USP35: variants seen among roughly 807,000 people sequenced by gnomAD.
The protein encoded by USP35 is ubiquitin carboxyl-terminal hydrolase 35.
In USP35, 69 loss-of-function variants were observed where a neutral mutation model predicts 83.8. The observed-to-expected ratio is 0.82, with a 90% confidence interval of 0.68 to 1.01. The LOEUF is 1.01. USP35 is among the 50% of genes least tolerant of loss of function. The pLI is 0.00. For missense variants in USP35, 1,503 were observed against 1,362.5 expected (o/e 1.10, Z -1.62); for synonymous variants, 714 against 589.5 (o/e 1.21, Z -3.06).
At chr11:78,204,978 A>T (rs1354803975) in intron 6 of USP35, among the ~76,000 whole-genome samples, 4 of 152,240 alleles carry the variant, frequency 2.6e-5, no homozygotes, top group Non-Finnish European at 5.9e-5. Flanking sequence ...AATCTAAGGC[A>T]TTGTGACCAG....
At chr11:78,223,161 G>C in the USP35 span, among the ~76,000 whole-genome samples, 2 of 152,144 alleles carry the variant, frequency 1.3e-5, no homozygotes, top group African/African-American at 4.8e-5. Context: ...TCTACATGCA[G>C]GGGGCACAAA....
the USP35 span, among the ~76,000 whole-genome samples, chr11:78,231,412 A>G: frequency 6.6e-6 from 1 of 150,866 alleles, no homozygotes; most frequent in East Asian, 2.0e-4. Context: ...GCAGTGATGC[A>G]ATCTTGGCTC....
rs1212001557 is a variant in USP35 at position 78,196,643 on chromosome 11, G to A, written c.398G>A (p.Cys133Tyr). Reference sequence around the variant, plus strand: ...CGGCGCGAGGTGCTGCGCACCGTGTGCGAGCGCCCGGGCCCCGCGGCCTGC... The same window carrying A: ...CGGCGCGAGGTGCTGCGCACCGTGTACGAGCGCCCGGGCCCCGCGGCCTGC... ...LLRREVLRTV[C>Y]ERPGPAACAQ... The change falls in exon 2 of 11, where the codon TGC becomes TAC. Residue 133 changes from cysteine to tyrosine, a missense_variant. Physicochemically the swap from Cys to Tyr is radical, Grantham distance 194 (BLOSUM62 -2). Transcript: ENST00000529308. The surrounding 1 kb of genome is among the most constrained non-coding windows in gnomAD (Gnocchi z 4.8). 3 of 1,375,158 alleles carry A rather than the reference G, an allele frequency of 2.2e-6. No homozygotes were observed. Among genetic ancestry groups the A allele is most frequent in the Non-Finnish European group, 2.8e-6 (3 of 1,073,082 alleles). 85.2% of individuals were successfully genotyped at this position (1,375,158 alleles called of 1,614,324 possible).
the USP35 span, chr11:78,225,080 G>A: frequency 1.2e-5 from 18 of 1,470,122 alleles, no homozygotes; most frequent in East Asian, 4.1e-4. Context: ...AGGCCGGCCT[G>A]AGGACCCTTG....
rs746154078 is a variant in USP35, at chr11:78,210,458, G to C, written c.2603G>C (p.Arg868Pro). The C allele has an allele frequency of 1.9e-6, 3 of 1,614,212 alleles. No individual in the cohort carries two copies. The highest frequency in any genetic ancestry group is 2.5e-6 in the Non-Finnish European group (3 of 1,180,038). ...AGTGGTCACTACTACTGCTATGCCCGTGAGGGCGCTGCCCGCCCTGCCGCT... is the reference window on the plus strand; with the variant it reads ...AGTGGTCACTACTACTGCTATGCCCCTGAGGGCGCTGCCCGCCCTGCCGCT... ...SESGHYYCYA[R>P]EGAARPAASL... The change falls in exon 10 of 11, where the codon CGT becomes CCT. Residue 868 changes from arginine to proline, a missense_variant. Transcript: ENST00000529308.
At chr11:78,216,870 C>A (rs1864175168), downstream of USP35, 4 of 152,234 alleles carry the variant, frequency 2.6e-5, no homozygotes. Flanking sequence ...CAGAGTGAAC[C>A]AGCACCCTGC....
chr11:78,224,503 G>A, the USP35 span, among the ~76,000 whole-genome samples: 21 of 152,180 alleles, frequency 1.4e-4, no homozygotes, highest in Non-Finnish European at 1.2e-4. Flanking sequence ...CTTCTACAGA[G>A]TTGTGTGATA....
Position 78,209,970 on chromosome 11 carries a change from G to A in USP35, c.2115G>A (p.Glu705=), listed in dbSNP as rs1330097996. 1.9e-6 allele frequency: 3 copies of A among 1,612,562 alleles called. No homozygotes were observed. The highest frequency in any genetic ancestry group is 1.7e-6 in the Non-Finnish European group (2 of 1,179,278). The change falls in exon 10 of 11, where the codon GAG becomes GAA. Residue 705 remains glutamate (E), a synonymous_variant. Coordinates refer to ENST00000529308, the MANE Select transcript of USP35 (RefSeq NM_020798.4). The part of the protein sequence containing the change: ...EEEESTRGEG[E]REKEEEVEEE... Reference sequence around the variant, plus strand: ...AGGAAAGCACCAGAGGGGAAGGAGAGAGGGAGAAAGAGGAGGAGGTGGAAG... The same window carrying A: ...AGGAAAGCACCAGAGGGGAAGGAGAAAGGGAGAAAGAGGAGGAGGTGGAAG...
chr11:78,210,189 C>T lies in USP35; in HGVS notation c.2334C>T (p.Asn778=). 6.2e-7 allele frequency: 1 copy of T among 1,614,068 alleles called. No homozygotes were observed. The highest frequency in any genetic ancestry group is 8.5e-7 in the Non-Finnish European group (1 of 1,180,014). ...FLSPEKLTAE[N]RYYCESCASL... The stretch of plus-strand genomic sequence containing the variant: ...CCCCCGAGAAGCTGACAGCAGAAAA[C>T]CGCTACTACTGCGAGTCGTGTGCCT... The change falls in exon 10 of 11, where the codon AAC becomes AAT. Residue 778 remains asparagine, a synonymous_variant. Coordinates refer to ENST00000529308, the MANE Select transcript of USP35 (RefSeq NM_020798.4).
chr11:78,196,219 T>C lies in USP35; in HGVS notation c.-10-17T>C. On this transcript the variant is annotated splice_polypyrimidine_tract_variant and intron_variant, in intron 1 of 10. Coordinates refer to ENST00000529308, the MANE Select transcript of USP35 (RefSeq NM_020798.4). This position sits in a 1 kb window ranked among gnomAD's most constrained non-coding sequence, Gnocchi z 4.8. ...CCGCGGTTGTCGGGCTGTGACCTCA[T>C]TCCCTGTCCTCCGCAGCGCGGGCGC... 2 of 1,573,064 alleles carry C rather than the reference T, an allele frequency of 1.3e-6. No individual in the cohort carries two copies. Among genetic ancestry groups the C allele is most frequent in the Non-Finnish European group, 1.7e-6 (2 of 1,167,246 alleles).
chr11:78,208,798 G>C, intron 8 of USP35, 59 bp from the exon 9 acceptor site: 7 of 1,587,630 alleles, frequency 4.4e-6, no homozygotes, highest in Non-Finnish European at 5.2e-6. Flanking sequence ...AACCTGTGCA[G>C]AGCTGGCTGG....
At chr11:78,234,732 TTACC>T in the USP35 span, among the ~76,000 whole-genome samples, 1 of 152,112 alleles carries the variant, frequency 6.6e-6, no homozygotes, top group African/African-American at 2.4e-5. Flanking sequence ...ATTATCTTGA[TTACC>T]ATAGTTTGAC....
intron 10 of USP35, among the ~76,000 whole-genome samples, chr11:78,212,051 T>G (rs904429460): frequency 6.6e-6 from 1 of 152,256 alleles, no homozygotes; most frequent in Non-Finnish European, 1.5e-5. Flanking sequence ...CTAGATTTTC[T>G]TCTAGGGGTT....
the USP35 span, chr11:78,221,625 G>A: frequency 9.2e-7 from 1 of 1,089,782 alleles, no homozygotes; most frequent in East Asian, 2.4e-5. Context: ...ACTGAGGGGT[G>A]GGTCCCAGGG....
rs559970510 is a variant in USP35, at chr11:78,208,983, G to A, written c.1592+20G>A. The A allele has an allele frequency of 9.9e-6, 16 of 1,611,818 alleles. No individual in the cohort carries two copies. The highest frequency in any genetic ancestry group is 5.5e-5 in the South Asian group (5 of 90,944). On this transcript the variant is annotated intron_variant, in intron 9 of 10. Coordinates refer to ENST00000529308, the MANE Select transcript of USP35 (RefSeq NM_020798.4). The stretch of plus-strand genomic sequence containing the variant: ...GGATCGGTAAGGGGGCCAGGGCTAC[G>A]CGAAGACTCCAGGTCTAGAGGGTCC...
Position 78,210,509 on chromosome 11 carries a change from AG to A in USP35, c.2655del (p.Glu885AspfsTer66), listed in dbSNP as rs1863723271. The A allele has an allele frequency of 6.2e-7, 1 of 1,613,964 alleles. No homozygotes were observed. Among genetic ancestry groups the A allele is most frequent in the Non-Finnish European group, 8.5e-7 (1 of 1,179,900 alleles). ...TCTCTGGGAACTGCCGATAGGCCAG[AG>A]CCCGAGAACCAGTGGTACCTGTTCA... ...AASLGTADRP[E>X]PENQWYLFND... On this transcript the variant is annotated frameshift_variant, in exon 10 of 11. Coordinates refer to ENST00000529308, the MANE Select transcript of USP35 (RefSeq NM_020798.4). LOFTEE classifies it high-confidence loss of function.
rs755923450 is a variant in USP35 at position 78,196,870 on chromosome 11, G to C, written c.625G>C (p.Ala209Pro). ...GCAGCTGTGGCGCGCACAGCCCGCC[G>C]CCATCCTGCCCTGCCTCAAAGAGCT... is the stretch of plus-strand genomic sequence containing the variant. ...LAQLWRAQPAAILPCLKELFA... is the reference protein window; with the variant it reads ...LAQLWRAQPAPILPCLKELFA... Residue 209 changes from alanine to proline, a missense_variant, in exon 2 of 11, where the codon GCC becomes CCC. Physicochemically the swap from Ala to Pro is conservative, Grantham distance 27. Transcript: ENST00000529308. The surrounding 1 kb of genome is among the most constrained non-coding windows in gnomAD (Gnocchi z 4.8). 2.0e-6 allele frequency: 3 copies of C among 1,483,952 alleles called. No individual in the cohort carries two copies. Among genetic ancestry groups the C allele is most frequent in the Non-Finnish European group, 2.7e-6 (3 of 1,121,476 alleles). 91.9% of individuals were successfully genotyped at this position (1,483,952 alleles called of 1,614,324 possible).
chr11:78,225,243 T>TCAAC, the USP35 span: 7 of 1,345,724 alleles, frequency 5.2e-6, no homozygotes, highest in Non-Finnish European at 7.5e-6. Context: ...CATGGTTGAT[T>TCAAC]CATGTGTTGA....
In USP35 at chr11:78,209,735, C is replaced by G. The variant is rs1863668397; in HGVS notation, c.1880C>G (p.Pro627Arg). The change falls in exon 10 of 11, where the codon CCC becomes CGC. Residue 627 changes from proline (P) to arginine (R), a missense_variant. Physicochemically the swap from Pro to Arg is moderately radical, Grantham distance 103. Coordinates refer to ENST00000529308, the MANE Select transcript of USP35 (RefSeq NM_020798.4). Reference sequence around the variant, plus strand: ...GAAGACATCACAGCCCGGGAGTTGCCCCCACCAACCAGTGCACAGGGGCCA... The same window carrying G: ...GAAGACATCACAGCCCGGGAGTTGCGCCCACCAACCAGTGCACAGGGGCCA... ...PTEDITAREL[P>R]PPTSAQGPGR... is the part of the protein sequence containing the mutation. 1 of 1,614,002 alleles carries G rather than the reference C, an allele frequency of 6.2e-7. No homozygotes were observed.
Sources: gnomAD v4.1 joint callset for allele counts (sites outside exome capture counted in the v4.1 genomes callset) on GRCh38, gnomAD v4.1.1 for gene constraint, Gnocchi (gnomAD v3.1) non-coding constraint, MANE v1.5 for transcripts, NCBI Gene and HGNC (gene_info 2026-07-23, HGNC 2026-07-21) for gene names.